The following SHISA9 variants were observed in gnomAD, a reference collection of about 807,000 sequenced individuals.
The protein encoded by SHISA9 is protein shisa-9.
SHISA9 carries 13 observed loss-of-function variants against 38.0 expected under a neutral mutation model. That is an observed-to-expected ratio of 0.34 (90% CI 0.22 to 0.54). The LOEUF is 0.54. Ranked by LOEUF, SHISA9 falls within the 20% of genes least tolerant of loss-of-function variation. The pLI, the probability that SHISA9 is intolerant of heterozygous loss-of-function variation, is 0.91. For missense variants in SHISA9, 538 were observed against 575.8 expected (o/e 0.93, Z 0.67); for synonymous variants, 275 against 242.0 (o/e 1.14, Z -1.27).
the SHISA9 span, among the ~76,000 whole-genome samples, chr16:13,531,739 G>T: frequency 6.6e-6 from 1 of 152,120 alleles, no homozygotes; most frequent in Non-Finnish European, 1.5e-5. Flanking sequence ...AATCCCACCG[G>T]GACTGAATTG....
intron 2 of SHISA9, among the ~76,000 whole-genome samples, chr16:13,143,307 G>T (rs1402082448): frequency 1.3e-5 from 2 of 152,088 alleles, no homozygotes; most frequent in Non-Finnish European, 2.9e-5. Flanking sequence ...ACCATGCCCA[G>T]CCTCTCCTTT....
chr16:13,052,247 T>C (rs1330326453), intron 2 of SHISA9, among the ~76,000 whole-genome samples: 1 of 152,240 alleles, frequency 6.6e-6, no homozygotes, highest in Non-Finnish European at 1.5e-5. Flanking sequence ...AAGGGCTTTC[T>C]GCTTTTGTTA....
In SHISA9 at chr16:12,998,052, A is replaced by G. The variant is rs145645002; in HGVS notation, c.691+81237A>G. Among the ~76,000 whole-genome samples, 1,219 of 152,326 alleles carry G rather than the reference A, an allele frequency of 8.0e-3. 6 individuals carry two copies. Among genetic ancestry groups the G allele is most frequent in the Non-Finnish European group, 0.013 (852 of 68,018 alleles). ...GGGTCCGTATTTTATTCACTGTTGT[A>G]TCTGCGGTACCTGTACATAAGACAA... On this transcript the variant is annotated intron_variant, in intron 2 of 4. Coordinates refer to ENST00000558583, the MANE Select transcript of SHISA9 (RefSeq NM_001145204.3).
At chr16:13,509,269 A>T in the SHISA9 span, among the ~76,000 whole-genome samples, 105 of 127,566 alleles carry the variant, frequency 8.2e-4, no homozygotes, top group African/African-American at 2.7e-3. Context: ...TCAGTCAGAA[A>T]TGCAAAAAAA....
intron 2 of SHISA9, among the ~76,000 whole-genome samples, chr16:13,103,608 G>A (rs2073899643): frequency 6.6e-6 from 1 of 152,208 alleles, no homozygotes; most frequent in Admixed American, 6.5e-5. Flanking sequence ...ACAGTAACAG[G>A]AATTGTGCAC....
intron 2 of SHISA9, among the ~76,000 whole-genome samples, chr16:13,109,834 G>T (rs908802301): frequency 6.6e-6 from 1 of 152,146 alleles, no homozygotes; most frequent in Non-Finnish European, 1.5e-5. Context: ...GTCTTAGCAG[G>T]TATAAATTCT....
chr16:13,013,231 G>A (rs146122368), intron 2 of SHISA9, among the ~76,000 whole-genome samples: 72 of 152,260 alleles, frequency 4.7e-4, no homozygotes, highest in African/African-American at 1.6e-3. Context: ...AGCTTTGACC[G>A]GAATCACGTC....
intron 2 of SHISA9, among the ~76,000 whole-genome samples, chr16:13,110,638 A>G (rs146675773): frequency 1.2e-4 from 19 of 152,314 alleles, no homozygotes; most frequent in Non-Finnish European, 2.6e-4. Context: ...GAGACTCGGA[A>G]ACAGTCATCT....
At chr16:13,406,787 G>C in the SHISA9 span, among the ~76,000 whole-genome samples, 2 of 152,208 alleles carry the variant, frequency 1.3e-5, no homozygotes, top group African/African-American at 2.4e-5. Flanking sequence ...GGAGACCACA[G>C]GTCGGGTGCG....
intron 2 of SHISA9, among the ~76,000 whole-genome samples, chr16:13,015,903 TTTCTTTTC>T (rs1354608879): frequency 1.0e-4 from 12 of 116,244 alleles, no homozygotes; most frequent in Admixed American, 1.8e-4. Flanking sequence ...TCTTTCTTTC[TTTCTTTTC>T]TTTCTTTCTC....
chr16:12,908,665 T>C, intron 1 of SHISA9: 1 of 1,540,458 alleles, frequency 6.5e-7, no homozygotes. Context: ...CACAGAGAAG[T>C]ACGCGATGCC....
At chr16:13,540,020 C>T in the SHISA9 span, among the ~76,000 whole-genome samples, 1 of 152,088 alleles carries the variant, frequency 6.6e-6, no homozygotes, top group African/African-American at 2.4e-5. Flanking sequence ...TAGGTGGATT[C>T]CATGTCTTTG....
chr16:13,069,570 GTGTA>G (rs1389002019), intron 2 of SHISA9, among the ~76,000 whole-genome samples: 1 of 151,500 alleles, frequency 6.6e-6, no homozygotes, highest in Non-Finnish European at 1.5e-5. Context: ...AAGCGTGCAT[GTGTA>G]TGTGTGTGTA....
At chr16:13,555,137 A>G in the SHISA9 span, among the ~76,000 whole-genome samples, 2 of 152,228 alleles carry the variant, frequency 1.3e-5, no homozygotes, top group African/African-American at 4.8e-5. Context: ...CTAGTCAGAG[A>G]GGATGAAAGT....
chr16:13,370,284 C>T, the SHISA9 span, among the ~76,000 whole-genome samples: 13 of 152,104 alleles, frequency 8.5e-5, no homozygotes, highest in Admixed American at 5.2e-4. Flanking sequence ...AGATACAAAC[C>T]TCAGTGGGAA....
the SHISA9 span, among the ~76,000 whole-genome samples, chr16:13,263,064 T>G: frequency 0.65 from 98,801 of 151,898 alleles, 32,416 homozygotes; most frequent in African/African-American, 0.72. Flanking sequence ...TTCATTCCTG[T>G]GGATTTATAA....
At chr16:13,392,081 C>T in the SHISA9 span, among the ~76,000 whole-genome samples, 1 of 152,076 alleles carries the variant, frequency 6.6e-6, no homozygotes, top group African/African-American at 2.4e-5. Flanking sequence ...AGCTTTCCTA[C>T]CTGGTTTTTT....
chr16:13,290,697 T>A, the SHISA9 span, among the ~76,000 whole-genome samples: 1 of 152,154 alleles, frequency 6.6e-6, no homozygotes, highest in South Asian at 2.1e-4. Context: ...TTCCAGCCTG[T>A]GGTGGTAAAA....
chr16:13,270,706 T>C, the SHISA9 span, among the ~76,000 whole-genome samples: 16 of 152,248 alleles, frequency 1.1e-4, no homozygotes, highest in African/African-American at 3.9e-4. Context: ...ATAAGGATAA[T>C]TATACACTTA....
Sources: allele counts gnomAD v4.1 joint callset (sites outside exome capture counted in the v4.1 genomes callset), GRCh38; gene constraint gnomAD v4.1.1; transcripts MANE v1.5; gene names NCBI Gene and HGNC (gene_info 2026-07-23, HGNC 2026-07-21).